Variants in F8 observed in about 807,000 individuals in gnomAD.
F8 encodes coagulation factor VIII.
Under a neutral mutation model 140.6 loss-of-function variants are expected in F8, and 12 were observed. The observed-to-expected ratio is 0.09, with a 90% CI of 0.05 to 0.14. The LOEUF (loss-of-function observed/expected upper bound fraction) is 0.14, where lower values mean the gene tolerates loss of function less well. Among genes scored for constraint, F8 ranks in the 10% least tolerant of loss-of-function variants. The probability of loss-of-function intolerance (pLI) is 1.00; values close to 1 mark genes in which losing one functional copy is unlikely to be tolerated. For missense variants in F8, 1,354 were observed against 1,720.7 expected (o/e 0.79, Z 3.77); for synonymous variants, 585 against 614.6 (o/e 0.95, Z 0.71).
intron 25 of F8, 141 bp from the exon 26 acceptor site, chrX:154,837,893 C>T: frequency 1.7e-6 from 1 of 573,455 alleles, no homozygotes; most frequent in Non-Finnish European, 2.9e-6. Context: ...CTGTCCTACG[C>T]ATCTGGGACA....
At chrX:154,905,050 A>G in intron 15 of F8, 27 bp from the exon 16 acceptor site, 1 of 1,112,141 alleles carries the variant, frequency 9.0e-7, no homozygotes, top group Non-Finnish European at 1.2e-6. Context: ...ACAAAAAAAA[A>G]AAAGCAAGAA....
intron 13 of F8, among the ~76,000 whole-genome samples, chrX:154,939,795 C>T (rs1408774127): frequency 1.8e-5 from 2 of 111,770 alleles, no homozygotes; most frequent in Non-Finnish European, 3.8e-5. Context: ...CTCACATGGC[C>T]AGCTACTCCT....
intron 22 of F8, among the ~76,000 whole-genome samples, chrX:154,870,342 T>A (rs1557273491): frequency 1.8e-5 from 2 of 112,062 alleles, no homozygotes; most frequent in African/African-American, 6.5e-5. Flanking sequence ...AAAAAGCTTA[T>A]CTACCACAAT....
chrX:154,939,894 C>A (rs782651352), intron 13 of F8, among the ~76,000 whole-genome samples: 7 of 112,276 alleles, frequency 6.2e-5, no homozygotes, highest in Non-Finnish European at 9.4e-5. Context: ...TGCTGATACC[C>A]AGGCAAACAG....
intron 5 of F8, among the ~76,000 whole-genome samples, chrX:154,986,337 C>T (rs1378555122): frequency 3.6e-5 from 4 of 111,857 alleles, no homozygotes; most frequent in African/African-American, 1.3e-4. Flanking sequence ...ATCACCCAGG[C>T]TGGAGTGCAG....
chrX:154,936,286 A>G (rs2073224817), intron 13 of F8, among the ~76,000 whole-genome samples: 2 of 111,963 alleles, frequency 1.8e-5, no homozygotes, highest in South Asian at 3.7e-4. Context: ...CAGAGAAGCA[A>G]AAACTGACAA....
At chrX:154,997,848 T>G (rs1442255020) in intron 2 of F8, among the ~76,000 whole-genome samples, 1 of 111,657 alleles carries the variant, frequency 9.0e-6, no homozygotes, top group Non-Finnish European at 1.9e-5. Flanking sequence ...CTCATAAATA[T>G]GATGTGGAGA....
intron 15 of F8, among the ~76,000 whole-genome samples, chrX:154,905,532 A>T (rs1557276283): frequency 8.9e-6 from 1 of 112,069 alleles, no homozygotes; most frequent in East Asian, 2.8e-4. Context: ...TACACCATCA[A>T]TTAATTGAAA....
chrX:154,865,933 A>C (rs2072728375), intron 22 of F8, among the ~76,000 whole-genome samples: 1 of 111,400 alleles, frequency 9.0e-6, no homozygotes. Flanking sequence ...CTTTTTAAAA[A>C]GCCAACAATT....
intron 14 of F8, among the ~76,000 whole-genome samples, chrX:154,924,026 C>T (rs2073146901): frequency 8.9e-6 from 1 of 112,357 alleles, no homozygotes; most frequent in Non-Finnish European, 1.9e-5. Context: ...TCTTTGCCTG[C>T]TGCCATCCAT....
intron 1 of F8, among the ~76,000 whole-genome samples, chrX:155,011,450 G>A (rs113298253): frequency 0.021 from 2,411 of 112,563 alleles, 21 homozygotes; most frequent in Middle Eastern, 0.037. Context: ...TCATACTTTG[G>A]TAGTGAAAAT....
intron 1 of F8, among the ~76,000 whole-genome samples, chrX:155,005,178 T>C (rs1344686700): frequency 9.0e-6 from 1 of 111,413 alleles, no homozygotes; most frequent in Admixed American, 9.5e-5. Flanking sequence ...TTCAGATCAC[T>C]ATTAAGAGAC....
intron 11 of F8, among the ~76,000 whole-genome samples, chrX:154,955,449 G>A (rs139039414): frequency 0.067 from 7,119 of 106,133 alleles, 602 homozygotes; most frequent in African/African-American, 0.23. Context: ...GTGAGCCACC[G>A]CACGTAGCCT....
At chrX:154,980,906 GA>G (rs200561934) in intron 6 of F8, among the ~76,000 whole-genome samples, 2,085 of 112,237 alleles carry the variant, frequency 0.019, 45 homozygotes, top group African/African-American at 0.065. Flanking sequence ...AGGAGTTCAA[GA>G]CTGCAGTAAT....
Position 154,837,538 on chromosome X carries a change from C to G in F8, c.*59G>C. 2 of 1,159,236 alleles carry G rather than the reference C, an allele frequency of 1.7e-6. No homozygotes were observed. The highest frequency in any genetic ancestry group is 2.3e-6 in the Non-Finnish European group (2 of 862,291). Reference sequence around the variant, plus strand: ...GTAGAAGGCAAGCCAGGGAGGGACACTGCCCTGGAGCTGAGGAGGGAGAGG... The same window carrying G: ...GTAGAAGGCAAGCCAGGGAGGGACAGTGCCCTGGAGCTGAGGAGGGAGAGG... On this transcript the variant is annotated 3_prime_UTR_variant, in exon 26 of 26. Coordinates refer to ENST00000360256, the MANE Select transcript of F8 (RefSeq NM_000132.4).
intron 22 of F8, among the ~76,000 whole-genome samples, chrX:154,871,219 A>G (rs1328407357): frequency 1.8e-5 from 2 of 112,188 alleles, no homozygotes; most frequent in Non-Finnish European, 3.8e-5. Context: ...TATGGAACCA[A>G]CAAAGAGCCC....
chrX:154,921,431 G>T (rs1293620124), intron 14 of F8, among the ~76,000 whole-genome samples: 6 of 111,753 alleles, frequency 5.4e-5, no homozygotes, highest in African/African-American at 2.0e-4. Flanking sequence ...ACTGTTGGTG[G>T]GACTGTAAAC....
At chrX:154,842,523 G>A (rs1175211632) in intron 25 of F8, among the ~76,000 whole-genome samples, 2 of 111,644 alleles carry the variant, frequency 1.8e-5, no homozygotes, top group Non-Finnish European at 3.8e-5. Context: ...ATTTTAATAT[G>A]TCATGCCTTG....
intron 5 of F8, among the ~76,000 whole-genome samples, chrX:154,986,820 A>G (rs1440306257): frequency 1.8e-5 from 2 of 111,884 alleles, no homozygotes; most frequent in Non-Finnish European, 3.8e-5. Context: ...TATGCCACAC[A>G]GTGCTCTAGG....
Sources: gnomAD v4.1 joint callset for allele counts (sites outside exome capture counted in the v4.1 genomes callset) on GRCh38, gnomAD v4.1.1 for gene constraint, MANE v1.5 for transcripts, NCBI Gene and HGNC (gene_info 2026-07-23, HGNC 2026-07-21) for gene names.